The following NCAM2 variants were observed in gnomAD, a reference collection of about 807,000 sequenced individuals.
The protein encoded by NCAM2 is N-CAM-2.
In NCAM2, 30 loss-of-function variants were observed where a neutral mutation model predicts 98.1. That is an observed-to-expected ratio of 0.31 (90% CI 0.23 to 0.41). The LOEUF (loss-of-function observed/expected upper bound fraction) is 0.41. NCAM2 is among the 10% of genes least tolerant of loss of function. NCAM2 has a pLI of 1.00. For synonymous variants in NCAM2, 368 were observed against 342.4 expected (o/e 1.07, Z -0.83); for missense variants, 867 against 1,005.8 (o/e 0.86, Z 1.87).
chr21:21,271,152 T>A (rs2072483589), intron 1 of NCAM2, among the ~76,000 whole-genome samples: 1 of 152,178 alleles, frequency 6.6e-6, no homozygotes, highest in Non-Finnish European at 1.5e-5. Context: ...AAAATTGCTT[T>A]TTATTGGATT....
chr21:21,376,038 T>C (rs1017180338), intron 9 of NCAM2, among the ~76,000 whole-genome samples: 1 of 151,798 alleles, frequency 6.6e-6, no homozygotes, highest in African/African-American at 2.4e-5. Context: ...ATGCTAGTAT[T>C]AGAATAATAG....
chr21:21,396,893 A>G (rs1243628440), intron 9 of NCAM2, among the ~76,000 whole-genome samples: 4 of 152,076 alleles, frequency 2.6e-5, no homozygotes, highest in Non-Finnish European at 4.4e-5. Flanking sequence ...TCTCCTTCTC[A>G]TTGCCTGCAA....
chr21:21,142,947 C>A (rs532331872), intron 1 of NCAM2, among the ~76,000 whole-genome samples: 1 of 152,062 alleles, frequency 6.6e-6, no homozygotes, highest in African/African-American at 2.4e-5. Context: ...TATTAGATTT[C>A]GAGGGATCTC....
intron 1 of NCAM2, among the ~76,000 whole-genome samples, chr21:21,063,019 C>G (rs1242212290): frequency 6.6e-6 from 1 of 152,010 alleles, no homozygotes; most frequent in African/African-American, 2.4e-5. Flanking sequence ...AGAAAATGAA[C>G]ATTAACACAA....
At position 21,241,707 on chromosome 21, in the gene NCAM2, G is replaced by GTT. The variant is rs1433607737; in HGVS notation, c.56-38861_56-38860dup. Among the ~76,000 whole-genome samples the GTT allele has an allele frequency of 1.7e-3, 218 of 125,276 alleles. 2 individuals are homozygous for GTT. The highest frequency in any genetic ancestry group is 6.2e-3 in the African/African-American group (208 of 33,600). 82.2% of individuals were successfully genotyped at this position (125,276 alleles called of 152,430 possible). A position where few individuals can be genotyped will look rare whatever the true frequency, so the allele number is the denominator to read the frequency against. ...ATTAAATAACAGAAACCAAGGCTCT[G>GTT]TTTTTTTTTTTATTAATAACATAAT... is the stretch of plus-strand genomic sequence containing the variant. On this transcript the variant is annotated intron_variant, in intron 1 of 17. Coordinates refer to ENST00000400546, the MANE Select transcript of NCAM2 (RefSeq NM_004540.5).
chr21:21,107,340 A>G (rs1307732645), intron 1 of NCAM2, among the ~76,000 whole-genome samples: 3 of 152,070 alleles, frequency 2.0e-5, no homozygotes, highest in Non-Finnish European at 4.4e-5. Flanking sequence ...ATAATACCAG[A>G]GCCCACAATG....
intron 7 of NCAM2, among the ~76,000 whole-genome samples, chr21:21,335,870 G>A (rs1019489148): frequency 6.6e-5 from 10 of 152,206 alleles, no homozygotes; most frequent in African/African-American, 2.4e-4. Context: ...GTAAGTCATT[G>A]ATATGCTTAC....
intron 1 of NCAM2, among the ~76,000 whole-genome samples, chr21:21,108,217 C>G (rs974521171): frequency 6.6e-6 from 1 of 151,876 alleles, no homozygotes. Flanking sequence ...TAATTTGACT[C>G]ATAAAGACTT....
chr21:21,071,845 A>G (rs192982375), intron 1 of NCAM2, among the ~76,000 whole-genome samples: 3 of 152,074 alleles, frequency 2.0e-5, no homozygotes, highest in East Asian at 1.9e-4. Flanking sequence ...TAAAGTGTAT[A>G]CTGCCCAATT....
At chr21:21,165,168 A>C (rs896189344) in intron 1 of NCAM2, among the ~76,000 whole-genome samples, 11 of 152,286 alleles carry the variant, frequency 7.2e-5, no homozygotes, top group African/African-American at 2.6e-4. Flanking sequence ...CAGATGGGGC[A>C]AATAGAAGCC....
At chr21:21,425,040 C>CAACAAAAAA (rs2077184880) in intron 11 of NCAM2, among the ~76,000 whole-genome samples, 1 of 43,854 alleles carries the variant, frequency 2.3e-5, no homozygotes, top group Non-Finnish European at 4.4e-5. Context: ...CTTCCTCCTC[C>CAACAAAAAA]AAAAAAAAAA....
At chr21:21,061,569 A>C (rs1205808211) in intron 1 of NCAM2, among the ~76,000 whole-genome samples, 1 of 152,156 alleles carries the variant, frequency 6.6e-6, no homozygotes, top group Non-Finnish European at 1.5e-5. Flanking sequence ...TTCAGAGATG[A>C]GTTAAACAGA....
intron 1 of NCAM2, among the ~76,000 whole-genome samples, chr21:21,005,600 C>T (rs572643623): frequency 6.6e-6 from 1 of 152,044 alleles, no homozygotes; most frequent in South Asian, 2.1e-4. Flanking sequence ...TGTCATCTGT[C>T]TTTATCTTGT....
intron 9 of NCAM2, among the ~76,000 whole-genome samples, chr21:21,400,479 A>T (rs1411427339): frequency 6.6e-6 from 1 of 152,164 alleles, no homozygotes; most frequent in Admixed American, 6.5e-5. Flanking sequence ...CTTATTAAGA[A>T]GATTTTGGAG....
intron 16 of NCAM2, among the ~76,000 whole-genome samples, chr21:21,527,258 C>T (rs1459992365): frequency 1.3e-5 from 2 of 151,886 alleles, no homozygotes; most frequent in Non-Finnish European, 2.9e-5. Context: ...ATTACAGGCG[C>T]GTGCCATCAC....
intron 1 of NCAM2, among the ~76,000 whole-genome samples, chr21:21,231,641 CTTGTAAAAAT>C (rs1238530928): frequency 1.3e-5 from 2 of 151,150 alleles, no homozygotes; most frequent in East Asian, 3.9e-4. Flanking sequence ...GTTCTAAAAC[CTTGTAAAAAT>C]TTCCATCGGA....
At chr21:21,444,016 C>G (rs1602358698) in intron 12 of NCAM2, among the ~76,000 whole-genome samples, 1 of 152,090 alleles carries the variant, frequency 6.6e-6, no homozygotes, top group African/African-American at 2.4e-5. Context: ...TGTGTTCCAT[C>G]AATACCTAGC....
intron 1 of NCAM2, among the ~76,000 whole-genome samples, chr21:21,212,331 T>A (rs557816365): frequency 1.3e-4 from 20 of 152,322 alleles, no homozygotes; most frequent in Non-Finnish European, 2.4e-4. Context: ...ATCTAAAATG[T>A]TTCAAATGGT....
At chr21:21,481,094 G>A (rs891515011) in intron 15 of NCAM2, among the ~76,000 whole-genome samples, 9 of 152,302 alleles carry the variant, frequency 5.9e-5, no homozygotes, top group South Asian at 4.1e-4. Flanking sequence ...GGGTAAACCC[G>A]TCTAAGCAAT....
Sources: allele counts gnomAD v4.1 joint callset (sites outside exome capture counted in the v4.1 genomes callset), GRCh38; gene constraint gnomAD v4.1.1; transcripts MANE v1.5; gene names NCBI Gene and HGNC (gene_info 2026-07-23, HGNC 2026-07-21).